AGBL1: variants seen among roughly 807,000 people sequenced by gnomAD.
AGBL1 encodes AGBL carboxypeptidase 1.
In AGBL1, 130 loss-of-function variants were observed where a neutral mutation model predicts 118.9. The ratio of observed to expected loss-of-function variants is 1.09; its 90% CI spans 0.95 to 1.26. The LOEUF (loss-of-function observed/expected upper bound fraction) is 1.26, where lower values mean the gene tolerates loss of function less well. AGBL1 is among the 50% of genes most tolerant of loss of function. AGBL1 has a pLI of 0.00. For missense variants in AGBL1, 1,584 were observed against 1,298.1 expected (o/e 1.22, Z -3.38); for synonymous variants, 555 against 478.9 (o/e 1.16, Z -2.08).
chr15:86,327,343 A>G (rs1038109265), intron 17 of AGBL1, among the ~76,000 whole-genome samples: 2 of 152,202 alleles, frequency 1.3e-5, no homozygotes, highest in Admixed American at 6.5e-5. Context: ...CATTCCAAAC[A>G]CTAGGTAATG....
rs2084193808 is a variant in AGBL1 at position 86,583,008 on chromosome 15, T to G, written c.2994+28471T>G. On this transcript the variant is annotated intron_variant, in intron 21 of 22. Coordinates refer to ENST00000614907, the MANE Select transcript of AGBL1 (RefSeq NM_001386094.1). ...CACACATACCCTAAAACTTAAAGTA[T>G]AATAACAATAAAAAAAAGTTATAAT... Among the ~76,000 whole-genome samples the G allele has an allele frequency of 1.3e-5, 2 of 151,932 alleles. 1 individual carries two copies. Among genetic ancestry groups the G allele is most frequent in the Non-Finnish European group, 2.9e-5 (2 of 67,984 alleles).
At chr15:86,234,214 G>A (rs1273901106) in intron 6 of AGBL1, among the ~76,000 whole-genome samples, 2 of 152,034 alleles carry the variant, frequency 1.3e-5, no homozygotes, top group African/African-American at 4.8e-5. Flanking sequence ...CATGTGTGCA[G>A]AATGGTGTAT....
intron 22 of AGBL1, among the ~76,000 whole-genome samples, chr15:86,780,808 C>T: frequency 6.6e-6 from 1 of 152,126 alleles, no homozygotes; most frequent in South Asian, 2.1e-4. Flanking sequence ...GCTGGGATTA[C>T]AGGCATGTGC....
intron 21 of AGBL1, among the ~76,000 whole-genome samples, chr15:86,641,812 C>G (rs532266335): frequency 3.9e-5 from 6 of 152,220 alleles, no homozygotes; most frequent in Admixed American, 2.6e-4. Context: ...ATTTTTGCAG[C>G]AATGCTGTGT....
intron 5 of AGBL1, among the ~76,000 whole-genome samples, chr15:86,197,950 A>G (rs1339569360): frequency 1.3e-5 from 2 of 151,976 alleles, no homozygotes; most frequent in Non-Finnish European, 2.9e-5. Context: ...CAAGGCTACC[A>G]CTCACATCAC....
chr15:86,294,111 C>G (rs1161336220), intron 16 of AGBL1, among the ~76,000 whole-genome samples: 2 of 151,970 alleles, frequency 1.3e-5, no homozygotes, highest in Non-Finnish European at 2.9e-5. Flanking sequence ...AGATTGTTAA[C>G]CAGGGGCGGG....
chr15:86,917,660 G>A (rs781405123), downstream of AGBL1, among the ~76,000 whole-genome samples: 4 of 152,134 alleles, frequency 2.6e-5, no homozygotes, highest in East Asian at 1.9e-4. The surrounding 1 kb of genome is among the most constrained non-coding windows in gnomAD (Gnocchi z 4.8). Context: ...TTAGTGAGGC[G>A]GTTTCTTGAA....
At chr15:86,968,862 T>C (rs1011403859) in intron 23 of AGBL1, among the ~76,000 whole-genome samples, 2 of 151,908 alleles carry the variant, frequency 1.3e-5, no homozygotes, top group African/African-American at 4.8e-5. Flanking sequence ...AGACCCCTTG[T>C]AGCTTTCTCA....
intron 17 of AGBL1, among the ~76,000 whole-genome samples, chr15:86,388,863 C>T (rs996816804): frequency 6.6e-6 from 1 of 152,160 alleles, no homozygotes; most frequent in African/African-American, 2.4e-5. Context: ...GGTGAAAACG[C>T]CTTCTCTGCT....
At chr15:86,699,742 A>T (rs1450879076) in intron 22 of AGBL1, among the ~76,000 whole-genome samples, 1 of 152,090 alleles carries the variant, frequency 6.6e-6, no homozygotes, top group East Asian at 1.9e-4. Flanking sequence ...GATTTGTCCC[A>T]TTACAGATGA....
intron 21 of AGBL1, among the ~76,000 whole-genome samples, chr15:86,672,550 C>A (rs2085765336): frequency 6.6e-6 from 1 of 152,290 alleles, no homozygotes; most frequent in Non-Finnish European, 1.5e-5. Flanking sequence ...CCCTTCTCGC[C>A]TCCCCTTTGC....
In AGBL1 at chr15:86,890,612, G is replaced by A. The variant is rs559149599; in HGVS notation, c.3159-16475G>A. On this transcript the variant is annotated intron_variant, in intron 22 of 22. Transcript: ENST00000614907. ...AGTTTCAATTTTCTGCACATGGCTAGCCAGTTTTTCCAGAACCATTGATTA... is the reference window on the plus strand; with the variant it reads ...AGTTTCAATTTTCTGCACATGGCTAACCAGTTTTTCCAGAACCATTGATTA... Among the ~76,000 whole-genome samples, 8 of 152,246 alleles carry A rather than the reference G, an allele frequency of 5.3e-5. No homozygotes were observed. In the East Asian group the frequency reaches 1.5e-3, roughly 29 times the overall value.
chr15:86,969,402 G>A (rs898450802), intron 23 of AGBL1, among the ~76,000 whole-genome samples: 8 of 151,936 alleles, frequency 5.3e-5, no homozygotes, highest in African/African-American at 1.7e-4. Context: ...TAGTAATCAC[G>A]GGATACAAGA....
In AGBL1 at chr15:86,103,533, A is replaced by G. The variant is rs181224203; in HGVS notation, c.51+23510A>G. On this transcript the variant is annotated intron_variant, in intron 1 of 22. Transcript: ENST00000614907. ...AGGGCTTTTTCCTGAAGACATACCAATGGTGTTGGTTAGCTAGGACACTTT... is the reference window on the plus strand; with the variant it reads ...AGGGCTTTTTCCTGAAGACATACCAGTGGTGTTGGTTAGCTAGGACACTTT... 3.3e-5 allele frequency among the ~76,000 whole-genome samples: 5 copies of G among 152,202 alleles called. No individual in the cohort carries two copies. In the East Asian group the frequency reaches 7.7e-4, roughly 24 times the overall value.
chr15:86,746,316 T>C (rs2077756427), intron 22 of AGBL1, among the ~76,000 whole-genome samples: 1 of 152,160 alleles, frequency 6.6e-6, no homozygotes, highest in African/African-American at 2.4e-5. Context: ...AAACATGACA[T>C]ATGTCTCTTG....
chr15:86,215,687 T>G (rs1405033996), intron 5 of AGBL1, among the ~76,000 whole-genome samples: 1 of 152,192 alleles, frequency 6.6e-6, no homozygotes, highest in Non-Finnish European at 1.5e-5. Flanking sequence ...AAATGGCGAT[T>G]GTTATGAGAA....
chr15:86,293,750 A>G (rs1031343813), intron 16 of AGBL1, among the ~76,000 whole-genome samples: 1 of 152,068 alleles, frequency 6.6e-6, no homozygotes, highest in Non-Finnish European at 1.5e-5. Context: ...TTCCCTTTCC[A>G]TATATTTTAT....
intron 18 of AGBL1, among the ~76,000 whole-genome samples, chr15:86,519,545 A>C (rs1280389228): frequency 1.3e-5 from 2 of 152,246 alleles, no homozygotes; most frequent in Non-Finnish European, 2.9e-5. Context: ...AGAGATCAGA[A>C]GCAAATGGAT....
intron 18 of AGBL1, among the ~76,000 whole-genome samples, chr15:86,460,380 T>C (rs955587949): frequency 1.5e-4 from 21 of 142,474 alleles, no homozygotes; most frequent in Non-Finnish European, 2.9e-4. Context: ...CCTATAGTCC[T>C]AGCTACTTGG....
Sources: allele counts gnomAD v4.1 joint callset (sites outside exome capture counted in the v4.1 genomes callset), GRCh38; gene constraint gnomAD v4.1.1; non-coding constraint Gnocchi (gnomAD v3.1); transcripts MANE v1.5; gene names NCBI Gene and HGNC (gene_info 2026-07-23, HGNC 2026-07-21).